TSC22D1: variants seen among roughly 807,000 people sequenced by gnomAD.
TSC22D1 encodes the protein TSC22 domain family protein 1.
Under a neutral mutation model 74.2 loss-of-function variants are expected in TSC22D1, and 9 were observed. That is an observed-to-expected ratio of 0.12 (90% confidence interval 0.07 to 0.21). The LOEUF (loss-of-function observed/expected upper bound fraction) is 0.21. Ranked by LOEUF, TSC22D1 falls within the 10% of genes least tolerant of loss-of-function variation. The pLI is 1.00. For missense variants in TSC22D1, 1,427 were observed against 1,304.7 expected (o/e 1.09, Z -1.44); for synonymous variants, 586 against 492.5 (o/e 1.19, Z -2.51).
At chr13:44,570,672 A>T (rs545123266) in intron 1 of TSC22D1, among the ~76,000 whole-genome samples, 3 of 152,288 alleles carry the variant, frequency 2.0e-5, no homozygotes, top group Admixed American at 2.0e-4. Flanking sequence ...AAAGATAACC[A>T]TCCTCATCTG....
At chr13:44,512,640 T>G (rs4942336) in intron 1 of TSC22D1, among the ~76,000 whole-genome samples, 68,560 of 151,420 alleles carry the variant, frequency 0.45, 15,952 homozygotes, top group Non-Finnish European at 0.51. Flanking sequence ...ACTTAGGAAT[T>G]CCTTAGTAAA....
chr13:44,532,334 A>G (rs1324894401), intron 1 of TSC22D1, among the ~76,000 whole-genome samples: 2 of 152,220 alleles, frequency 1.3e-5, no homozygotes, highest in Non-Finnish European at 2.9e-5. Context: ...CTGGATAAAT[A>G]TTTAAGGAGA....
At chr13:44,554,639 A>C (rs1175145521) in intron 1 of TSC22D1, among the ~76,000 whole-genome samples, 1 of 113,676 alleles carries the variant, frequency 8.8e-6, no homozygotes, top group African/African-American at 3.6e-5. Context: ...ACAAAAAAAA[A>C]AAAAAAAAAA....
intron 1 of TSC22D1, among the ~76,000 whole-genome samples, chr13:44,490,663 C>A (rs566003825): frequency 6.6e-6 from 1 of 151,814 alleles, no homozygotes; most frequent in Non-Finnish European, 1.5e-5. Context: ...TCTGAGAGAC[C>A]GAGGCGGGCA....
In TSC22D1 at chr13:44,539,503, C is replaced by T. The variant is rs117410573; in HGVS notation, c.2912+33660G>A. 7.2e-3 allele frequency: 7,049 copies of T among 985,366 alleles called. 22 individuals are homozygous for T. The highest frequency in any genetic ancestry group is 8.0e-3 in the Non-Finnish European group (6,677 of 829,902). 61.0% of individuals were successfully genotyped at this position (985,366 alleles called of 1,614,324 possible). A position where few individuals can be genotyped will look rare whatever the true frequency, so the allele number is the denominator to read the frequency against. On this transcript the variant is annotated intron_variant, in intron 1 of 2. Coordinates refer to ENST00000458659, the MANE Select transcript of TSC22D1 (RefSeq NM_183422.4). ...AAAGGCCAAAATGGGTAGATATTCC[C>T]GTTTTAAAATTCCTGTGGACTACAT...
At position 44,567,709 on chromosome 13, in the gene TSC22D1, T is replaced by C. The variant is rs573799921; in HGVS notation, c.2912+5454A>G. Among the ~76,000 whole-genome samples, 23 of 151,992 alleles carry C rather than the reference T, an allele frequency of 1.5e-4. No homozygotes were observed. The East Asian group carries it at 3.3e-3, about 22-fold the overall frequency. Reference sequence around the variant, plus strand: ...AGTAGTTGAGAAAACACAAGAAAATTAGAAGACCAGTCAAGAAGGTCCGTT... The same window carrying C: ...AGTAGTTGAGAAAACACAAGAAAATCAGAAGACCAGTCAAGAAGGTCCGTT... On this transcript the variant is annotated intron_variant, in intron 1 of 2. Transcript: ENST00000458659.
At position 44,573,714 on chromosome 13, in the gene TSC22D1, T is replaced by C; in HGVS notation, c.2361A>G (p.Gln787=). Residue 787 remains glutamine, a synonymous_variant, in exon 1 of 3, where the codon CAA becomes CAG. Transcript: ENST00000458659. ...VQTSAPSLPQ[Q]LVIASQSSLL... The stretch of plus-strand genomic sequence containing the variant: ...AGGAACTTTGGGATGCAATAACCAA[T>C]TGTTGAGGAAGGCTTGGAGCACTAG... The C allele has an allele frequency of 3.1e-6, 5 of 1,614,158 alleles. No individual in the cohort carries two copies. Among genetic ancestry groups the C allele is most frequent in the Non-Finnish European group, 4.2e-6 (5 of 1,180,034 alleles).
intron 1 of TSC22D1, among the ~76,000 whole-genome samples, chr13:44,498,920 T>TA (rs1475942474): frequency 2.6e-5 from 4 of 152,036 alleles, no homozygotes; most frequent in Non-Finnish European, 5.9e-5. Flanking sequence ...TCCTTCTTAT[T>TA]AAAAAAACTG....
chr13:44,551,310 G>GGTGTGTGT (rs370742852), intron 1 of TSC22D1, among the ~76,000 whole-genome samples: 8,818 of 132,766 alleles, frequency 0.066, 401 homozygotes, highest in Non-Finnish European at 0.084. Flanking sequence ...ATCAGCTGGG[G>GGTGTGTGT]GTGTGTGTGT....
At chr13:44,569,674 T>C (rs956395575) in intron 1 of TSC22D1, among the ~76,000 whole-genome samples, 6 of 152,220 alleles carry the variant, frequency 3.9e-5, no homozygotes, top group African/African-American at 1.4e-4. Context: ...CAATGTACTT[T>C]GCAGACATAC....
intron 1 of TSC22D1, chr13:44,436,358 AG>A: frequency 8.5e-7 from 1 of 1,170,174 alleles, no homozygotes; most frequent in East Asian, 2.3e-5. Flanking sequence ...TGCAAAAATA[AG>A]GTTTTTTAAC....
intron 1 of TSC22D1, among the ~76,000 whole-genome samples, chr13:44,522,928 T>C (rs1880382744): frequency 6.6e-6 from 1 of 151,152 alleles, no homozygotes; most frequent in African/African-American, 2.4e-5. Flanking sequence ...ACACATCTTA[T>C]AAAGGACTGG....
intron 1 of TSC22D1, among the ~76,000 whole-genome samples, chr13:44,510,459 C>T (rs757605316): frequency 4.0e-5 from 6 of 151,446 alleles, no homozygotes; most frequent in Non-Finnish European, 8.8e-5. Flanking sequence ...TTAACTCTAA[C>T]GAAATAATCC....
intron 1 of TSC22D1, among the ~76,000 whole-genome samples, chr13:44,531,375 A>C (rs1226567560): frequency 2.0e-5 from 3 of 152,214 alleles, no homozygotes; most frequent in Admixed American, 6.5e-5. Flanking sequence ...TCAATGGTGT[A>C]ATAGATCAAC....
intron 1 of TSC22D1, among the ~76,000 whole-genome samples, chr13:44,443,422 T>C (rs1302583224): frequency 6.6e-6 from 1 of 152,158 alleles, no homozygotes; most frequent in Non-Finnish European, 1.5e-5. Flanking sequence ...GATTCATCAC[T>C]GTAACTCCTT....
intron 1 of TSC22D1, chr13:44,537,526 G>A: frequency 3.0e-6 from 3 of 985,090 alleles, no homozygotes; most frequent in Non-Finnish European, 3.6e-6. Context: ...GGTTCAAAGA[G>A]TTCAACTAAC....
chr13:44,518,851 T>C (rs1461658900), intron 1 of TSC22D1, among the ~76,000 whole-genome samples: 1 of 152,212 alleles, frequency 6.6e-6, no homozygotes, highest in Non-Finnish European at 1.5e-5. Flanking sequence ...TAAATATCCC[T>C]TCCCAGAGAT....
At chr13:44,473,451 T>C (rs1023219664) in intron 1 of TSC22D1, among the ~76,000 whole-genome samples, 4 of 152,074 alleles carry the variant, frequency 2.6e-5, no homozygotes, top group Non-Finnish European at 5.9e-5. Flanking sequence ...ACCAAGATCA[T>C]GCCACTGGAC....
At chr13:44,504,014 C>T (rs9634668) in intron 1 of TSC22D1, among the ~76,000 whole-genome samples, 1 of 151,644 alleles carries the variant, frequency 6.6e-6, no homozygotes, top group Admixed American at 6.6e-5. Flanking sequence ...TAGCTGGACT[C>T]TATTTTAAGT....
Sources: gnomAD v4.1 joint callset for allele counts (sites outside exome capture counted in the v4.1 genomes callset) on GRCh38, gnomAD v4.1.1 for gene constraint, MANE v1.5 for transcripts, NCBI Gene and HGNC (gene_info 2026-07-23, HGNC 2026-07-21) for gene names.